The following MMADHC variants were observed in gnomAD, a reference collection of about 807,000 sequenced individuals.
MMADHC encodes metabolism of cobalamin associated D, also known as cobalamin trafficking protein CblD.
A neutral mutation model predicts 36.3 loss-of-function variants in MMADHC; 23 were observed. The ratio of observed to expected loss-of-function variants is 0.63; its 90% CI spans 0.46 to 0.90. MMADHC has a LOEUF of 0.90. Ranked by LOEUF, MMADHC falls within the 40% of genes least tolerant of loss-of-function variation. The pLI is 0.00. For synonymous variants in MMADHC, 97 were observed against 116.1 expected (o/e 0.84, Z 1.06); for missense variants, 330 against 348.0 (o/e 0.95, Z 0.41).
intron 4 of MMADHC, among the ~76,000 whole-genome samples, chr2:149,578,380 G>C (rs902353723): frequency 8.5e-5 from 13 of 152,122 alleles, no homozygotes; most frequent in Admixed American, 2.6e-4. Flanking sequence ...GGTTATACAG[G>C]AGTTAGGACA....
chr2:149,587,205 A>G (rs544092363), intron 1 of MMADHC, 56 bp from the exon 2 acceptor site: 1 of 1,056,148 alleles, frequency 9.5e-7, no homozygotes, highest in South Asian at 1.3e-5. Flanking sequence ...AACAACAGAC[A>G]ACTGAGGTAA....
Position 149,587,286 on chromosome 2 carries a change from A to T in MMADHC, c.-52-137T>A, listed in dbSNP as rs1417238847. The T allele has an allele frequency of 4.7e-6, 3 of 643,120 alleles. No homozygotes were observed. In the Admixed American group the frequency reaches 7.3e-5, roughly 16 times the overall value. The allele number at this position is 643,120 out of a possible 1,614,324, so 39.8% of individuals were successfully genotyped here. ...TCCAAGCTCTCCCCGTACCCTAAGG[A>T]GGCCAGAACTCGCCCCCATGCCAGG... On this transcript the variant is annotated intron_variant, in intron 1 of 7. Coordinates refer to ENST00000303319, the MANE Select transcript of MMADHC (RefSeq NM_015702.3).
intron 3 of MMADHC, 136 bp from the exon 4 acceptor site, chr2:149,579,784 A>C (rs1395120077): frequency 6.3e-6 from 5 of 799,854 alleles, no homozygotes; most frequent in Non-Finnish European, 9.9e-6. Flanking sequence ...TGTGAATATA[A>C]ATAGTTTCCT....
chr2:149,578,150 T>C (rs1682743211), intron 4 of MMADHC, among the ~76,000 whole-genome samples: 3 of 152,164 alleles, frequency 2.0e-5, no homozygotes, highest in Non-Finnish European at 4.4e-5. Flanking sequence ...TCTATCTTCA[T>C]TGTGTGTCAT....
chr2:149,572,710 G>C (rs989184358), intron 6 of MMADHC, among the ~76,000 whole-genome samples: 1 of 152,118 alleles, frequency 6.6e-6, no homozygotes, highest in African/African-American at 2.4e-5. Flanking sequence ...TTAGTCTGCA[G>C]AACTATTCAC....
chr2:149,575,715 T>C lies in MMADHC; in HGVS notation c.605A>G (p.Glu202Gly). ...ATTAGCAATTGAAAGAATTACCTTT[T>C]CTAAGAGCACTTCTCTTTCAATTTC... ...EVEIEREVLL[E>G]KFINGAKEIC... Residue 202 changes from glutamate (E) to glycine (G), a missense_variant, in exon 6 of 8, where the codon GAA (glutamate) becomes GGA (glycine). Transcript: ENST00000303319. 1.9e-6 allele frequency: 3 copies of C among 1,596,724 alleles called. No homozygotes were observed. The highest frequency in any genetic ancestry group is 1.1e-5 in the South Asian group (1 of 88,442).
At chr2:149,582,544 T>C (rs1001460430) in intron 2 of MMADHC, among the ~76,000 whole-genome samples, 3 of 152,298 alleles carry the variant, frequency 2.0e-5, no homozygotes, top group Admixed American at 1.3e-4. Flanking sequence ...CATGAGAGAA[T>C]AGACATCTAA....
At chr2:149,577,454 G>A (rs1682733648) in intron 4 of MMADHC, among the ~76,000 whole-genome samples, 1 of 152,142 alleles carries the variant, frequency 6.6e-6, no homozygotes, top group Non-Finnish European at 1.5e-5. Flanking sequence ...TCAAAATTAT[G>A]AAATGCCATT....
At chr2:149,577,983 A>G (rs554687442) in intron 4 of MMADHC, among the ~76,000 whole-genome samples, 2 of 152,296 alleles carry the variant, frequency 1.3e-5, no homozygotes, top group Admixed American at 6.5e-5. Context: ...GCACCACTGC[A>G]CTCTAGCCTG....
intron 3 of MMADHC, among the ~76,000 whole-genome samples, 199 bp downstream of exon 3, chr2:149,581,928 T>C (rs992774418): frequency 2.2e-5 from 3 of 134,604 alleles, no homozygotes; most frequent in Non-Finnish European, 5.0e-5. Flanking sequence ...AAGTAAGCTT[T>C]AGAAACCAGT....
intron 7 of MMADHC, 139 bp from the exon 8 acceptor site, chr2:149,570,307 T>A: frequency 2.8e-6 from 2 of 718,720 alleles, no homozygotes; most frequent in Non-Finnish European, 4.7e-6. Context: ...CATGCAACAC[T>A]TAAACCGCCT....
In MMADHC at chr2:149,571,197, G is replaced by A. The variant is rs375548051; in HGVS notation, c.610-26C>T. 3 of 1,398,006 alleles carry A rather than the reference G, an allele frequency of 2.1e-6. No individual in the cohort carries two copies. The African/African-American group carries it at 4.3e-5, about 20-fold the overall frequency. The allele number at this position is 1,398,006 out of a possible 1,614,324, so 86.6% of individuals were successfully genotyped here. ...CTGCAATGGAAGTCACAAATAATATGCTTAAGATAGCATTACTAGAGATTG... is the reference window on the plus strand; with the variant it reads ...CTGCAATGGAAGTCACAAATAATATACTTAAGATAGCATTACTAGAGATTG... On this transcript the variant is annotated intron_variant, in intron 6 of 7. Transcript: ENST00000303319.
intron 6 of MMADHC, among the ~76,000 whole-genome samples, chr2:149,572,911 A>C (rs1027318429): frequency 6.6e-6 from 1 of 152,104 alleles, no homozygotes; most frequent in Non-Finnish European, 1.5e-5. Context: ...TCAAGACTAT[A>C]TTGTAATTCA....
chr2:149,586,377 G>GT (rs1298011794), intron 2 of MMADHC, among the ~76,000 whole-genome samples: 2 of 152,126 alleles, frequency 1.3e-5, no homozygotes, highest in African/African-American at 4.8e-5. Context: ...GGGTTGGGGA[G>GT]TTCTTTGAAT....
Position 149,579,654 on chromosome 2 carries a change from G to A in MMADHC, c.155-6C>T. On this transcript the variant is annotated splice_region_variant and splice_polypyrimidine_tract_variant and intron_variant, in intron 3 of 7. Coordinates refer to ENST00000303319, the MANE Select transcript of MMADHC (RefSeq NM_015702.3). Reference sequence around the variant, plus strand: ...AGGCCACACTGTTCGAGAGCCTGAAGAGAAACAACAAAAGGAACAGTTTCT... The same window carrying A: ...AGGCCACACTGTTCGAGAGCCTGAAAAGAAACAACAAAAGGAACAGTTTCT... The A allele has an allele frequency of 6.2e-7, 1 of 1,612,440 alleles. No individual in the cohort carries two copies. Among genetic ancestry groups the A allele is most frequent in the Non-Finnish European group, 8.5e-7 (1 of 1,178,926 alleles).
intron 6 of MMADHC, 85 bp from the exon 7 acceptor site, chr2:149,571,256 T>A: frequency 1.2e-6 from 1 of 854,614 alleles, no homozygotes; most frequent in African/African-American, 1.7e-5. Flanking sequence ...AGTGACTATC[T>A]TGTTTCAGAA....
chr2:149,572,438 C>CA (rs1169435119), intron 6 of MMADHC: 2 of 198,666 alleles, frequency 1.0e-5, no homozygotes, highest in African/African-American at 4.8e-5. Context: ...GATCAAAATA[C>CA]ACAAGTTAAC....
intron 2 of MMADHC, 90 bp downstream of exon 2, chr2:149,586,999 C>T: frequency 7.8e-7 from 1 of 1,288,980 alleles, no homozygotes; most frequent in South Asian, 1.2e-5. Flanking sequence ...CACTATACCA[C>T]CCAATGCCAT....
chr2:149,573,244 TCAAACAAA>T (rs35931030), intron 6 of MMADHC, among the ~76,000 whole-genome samples: 12 of 152,096 alleles, frequency 7.9e-5, no homozygotes, highest in East Asian at 1.9e-4. Flanking sequence ...AGACTAGTTT[TCAAACAAA>T]CAAACAAACA....
Sources: allele counts gnomAD v4.1 joint callset (sites outside exome capture counted in the v4.1 genomes callset), GRCh38; gene constraint gnomAD v4.1.1; transcripts MANE v1.5; gene names NCBI Gene and HGNC (gene_info 2026-07-23, HGNC 2026-07-21).